Variants in SYCE1 observed in about 807,000 individuals in gnomAD.
SYCE1 encodes the protein synaptonemal complex central element protein 1, also known as cancer/testis antigen 76.
In SYCE1, 37 loss-of-function variants were observed where a neutral mutation model predicts 55.1. That is an observed-to-expected ratio of 0.67 (90% confidence interval 0.52 to 0.88). SYCE1 has a LOEUF of 0.88. Among genes scored for constraint, SYCE1 ranks in the 40% least tolerant of loss-of-function variants. SYCE1 has a pLI of 0.00. For synonymous variants in SYCE1, 163 were observed against 159.4 expected, an observed-to-expected ratio of 1.02 and a Z score of -0.17; for missense variants, 399 against 416.4, an observed-to-expected ratio of 0.96 and a Z score of 0.36.
chr10:133,558,033 A>G lies in SYCE1; in HGVS notation c.320-115T>C, dbSNP rs752466861. The G allele has an allele frequency of 2.1e-4, 313 of 1,520,560 alleles. 1 individual carries two copies. Among genetic ancestry groups the G allele is most frequent in the Non-Finnish European group, 2.8e-4 (308 of 1,101,358 alleles). 94.2% of individuals were successfully genotyped at this position (1,520,560 alleles called of 1,614,324 possible). On this transcript the variant is annotated intron_variant, in intron 5 of 12. Transcript: ENST00000343131. ...GACACCTGATTGAGCTTTAACATTT[A>G]CTACATGTCTGGTGGAAGCCACAGG...
chr10:133,554,209 C>T, downstream of SYCE1: 1 of 1,349,920 alleles, frequency 7.4e-7, no homozygotes, highest in Non-Finnish European at 1.1e-6. Flanking sequence ...ACTCGTCTGT[C>T]CTGGACTGAC....
intron 1 of SYCE1, among the ~76,000 whole-genome samples, chr10:133,563,093 A>G (rs1169012331): frequency 6.6e-6 from 1 of 152,192 alleles, no homozygotes; most frequent in Non-Finnish European, 1.5e-5. Context: ...CCAGTTTTTC[A>G]TTTTTACCAA....
downstream of SYCE1, chr10:133,554,378 A>G: frequency 1.3e-6 from 2 of 1,559,970 alleles, no homozygotes; most frequent in South Asian, 1.1e-5. Flanking sequence ...ATTCTGACTC[A>G]GGAGATGCAG....
At position 133,559,353 on chromosome 10, in the gene SYCE1, G is replaced by C; in HGVS notation, c.144C>G (p.Ser48Arg). ...EMVQKLQKVG[S>R]LEPRVEVLIN... ...TCAGGACCTCAACTCGGGGCTCTAG[G>C]CTTCCCACTGCACGGAGGAAAGGAG... Residue 48 changes from serine (S) to arginine (R), a missense_variant, in exon 3 of 13, where the codon AGC becomes AGG. Coordinates refer to ENST00000343131, the MANE Select transcript of SYCE1 (RefSeq NM_001143764.3). 6.2e-7 allele frequency: 1 copy of C among 1,614,116 alleles called. No homozygotes were observed.
At position 133,559,739 on chromosome 10, in the gene SYCE1, G is replaced by C. The variant is rs543166013; in HGVS notation, c.136+352C>G. On this transcript the variant is annotated intron_variant, in intron 2 of 12. Coordinates refer to ENST00000343131, the MANE Select transcript of SYCE1 (RefSeq NM_001143764.3). Reference sequence around the variant, plus strand: ...CAGTGCAAAGACCCATCATGAGGTGGGAACATGGCTGGCAGGAGCCTAGCG... The same window carrying C: ...CAGTGCAAAGACCCATCATGAGGTGCGAACATGGCTGGCAGGAGCCTAGCG... The C allele has an allele frequency of 2.5e-4, 106 of 417,428 alleles. 1 individual carries two copies. In the East Asian group the frequency reaches 5.1e-3, roughly 20 times the overall value. 25.9% of individuals were successfully genotyped at this position (417,428 alleles called of 1,614,324 possible).
At chr10:133,558,823 T>C (rs1851751090) in intron 4 of SYCE1, 54 bp downstream of exon 4, 1 of 1,567,484 alleles carries the variant, frequency 6.4e-7, no homozygotes, top group Non-Finnish European at 8.8e-7. Context: ...AATACAGGGT[T>C]AGGGGAGGCT....
intron 1 of SYCE1, among the ~76,000 whole-genome samples, chr10:133,562,260 AATGTGTGTGTGTGTGT>A (rs778346733): frequency 9.4e-4 from 115 of 121,986 alleles, no homozygotes; most frequent in African/African-American, 2.5e-3. Flanking sequence ...GCTAACATCC[AATGTGTGTGTGTGTGT>A]GTGTGTGTGT....
chr10:133,560,964 T>G (rs1851803090), intron 1 of SYCE1: 1 of 152,220 alleles, frequency 6.6e-6, no homozygotes, highest in Admixed American at 6.5e-5. Context: ...TTGTCTTTTA[T>G]CTACTTATGA....
upstream of SYCE1, chr10:133,568,209 G>T (rs1296635284): frequency 7.7e-6 from 9 of 1,167,104 alleles, no homozygotes; most frequent in South Asian, 9.0e-5. Context: ...ATGCCGAGCC[G>T]GTCCTGTTGC....
Position 133,555,077 on chromosome 10 carries a change from C to A in SYCE1, c.971G>T (p.Gly324Val). 6.4e-7 allele frequency: 1 copy of A among 1,551,354 alleles called. No individual in the cohort carries two copies. The highest frequency in any genetic ancestry group is 1.2e-5 in the South Asian group (1 of 84,036). The change falls in exon 13 of 13, where the codon GGG becomes GTG. Residue 324 changes from glycine (G) to valine (V), a missense_variant. Transcript: ENST00000343131. ...CTCCTGGCCTATGAGGACATCAGGC[C>A]CTGCTTGGTGTGCAGCTCCAGGTCT... is the stretch of plus-strand genomic sequence containing the variant. Reference protein sequence around the residue: ...GERPGAAHQAGPDVLIGQEDT... With the variant: ...GERPGAAHQAVPDVLIGQEDT...
intron 2 of SYCE1, 174 bp from the exon 3 acceptor site, chr10:133,559,534 C>A (rs1851772232): frequency 4.7e-6 from 3 of 643,082 alleles, no homozygotes; most frequent in Non-Finnish European, 5.6e-6. Flanking sequence ...TGGGAACAGA[C>A]ACAATAAGAT....
chr10:133,555,543 C>T lies in SYCE1; in HGVS notation c.830+54G>A. Reference sequence around the variant, plus strand: ...AGACAGAAGGTGGAGAGAGGAGATACAACATCAGTCATCTTCCTGGTGGGG... The same window carrying T: ...AGACAGAAGGTGGAGAGAGGAGATATAACATCAGTCATCTTCCTGGTGGGG... On this transcript the variant is annotated intron_variant, in intron 11 of 12. Transcript: ENST00000343131. 5.0e-6 allele frequency: 8 copies of T among 1,603,718 alleles called. No individual in the cohort carries two copies. In the South Asian group the frequency reaches 7.7e-5, roughly 15 times the overall value.
In SYCE1 at chr10:133,557,124, C is replaced by G; in HGVS notation, c.407G>C (p.Arg136Thr). The G allele has an allele frequency of 6.2e-7, 1 of 1,614,150 alleles. No individual in the cohort carries two copies. The highest frequency in any genetic ancestry group is 1.1e-5 in the South Asian group (1 of 91,076). Residue 136 changes from arginine (R) to threonine (T), a missense_variant, in exon 7 of 13, where the codon AGA becomes ACA. By Grantham distance (71) the Arg-to-Thr change is moderately conservative. Transcript: ENST00000343131. ...KHTMLQECKE[R>T]ISALNLQIEE... ...AATCTGCAAGTTCAGGGCAGAAATT[C>G]TCTCCTTGCACTCCTGCAACATGGT...
upstream of SYCE1, among the ~76,000 whole-genome samples, chr10:133,566,040 C>G (rs1485077432): frequency 1.3e-5 from 2 of 152,352 alleles, no homozygotes; most frequent in African/African-American, 4.8e-5. Flanking sequence ...GCCCGCTGTT[C>G]CTGCGCGCGC....
chr10:133,561,894 C>G (rs984832094), intron 1 of SYCE1, among the ~76,000 whole-genome samples: 2 of 151,894 alleles, frequency 1.3e-5, no homozygotes, highest in Admixed American at 1.3e-4. Flanking sequence ...TGGCTAAATT[C>G]CCACCAGAAA....
At chr10:133,562,637 T>G (rs1564858409) in intron 1 of SYCE1, among the ~76,000 whole-genome samples, 1 of 152,202 alleles carries the variant, frequency 6.6e-6, no homozygotes, top group Non-Finnish European at 1.5e-5. Flanking sequence ...TTACCTGATT[T>G]TTTTGTTTAT....
Position 133,558,297 on chromosome 10 carries a change from G to A in SYCE1, c.272-83C>T, listed in dbSNP as rs561376858. On this transcript the variant is annotated intron_variant, in intron 4 of 12. Coordinates refer to ENST00000343131, the MANE Select transcript of SYCE1 (RefSeq NM_001143764.3). ...GGGCTTGCTCACGGTCACATGGGAA[G>A]CTGGGCACAGCCTTGGCCCCAACCC... is the stretch of plus-strand genomic sequence containing the variant. 5.3e-5 allele frequency: 80 copies of A among 1,497,030 alleles called. No homozygotes were observed. In the African/African-American group the frequency reaches 1.1e-3, roughly 20 times the overall value. The allele number at this position is 1,497,030 out of a possible 1,614,324, so 92.7% of individuals were successfully genotyped here.
rs75159767 is a variant in SYCE1, at chr10:133,557,751, T to C, written c.374+113A>G. ...GGAAAGACATTCTTTGGACTCTCCA[T>C]TGTTTAGAGGGAAACAATGAGAGCT... On this transcript the variant is annotated intron_variant, in intron 6 of 12. Transcript: ENST00000343131. 3,470 of 1,256,924 alleles carry C rather than the reference T, an allele frequency of 2.8e-3. 74 individuals are homozygous for C. The African/African-American group carries it at 0.045, about 16-fold the overall frequency. 77.9% of individuals were successfully genotyped at this position (1,256,924 alleles called of 1,614,324 possible).
upstream of SYCE1, among the ~76,000 whole-genome samples, chr10:133,567,521 C>A (rs531950807): frequency 6.6e-6 from 1 of 152,096 alleles, no homozygotes; most frequent in African/African-American, 2.4e-5. Context: ...TGTTCCTGGG[C>A]TGTGAGATCC....
Sources: gnomAD v4.1 joint callset for allele counts (sites outside exome capture counted in the v4.1 genomes callset) on GRCh38, gnomAD v4.1.1 for gene constraint, MANE v1.5 for transcripts, NCBI Gene and HGNC (gene_info 2026-07-23, HGNC 2026-07-21) for gene names.